SLC38A11: variants seen among roughly 807,000 people sequenced by gnomAD.
SLC38A11 encodes solute carrier family 38 member 11, also known as putative sodium-coupled neutral amino acid transporter 11.
SLC38A11 carries 51 observed loss-of-function variants against 49.4 expected under a neutral mutation model. The observed-to-expected ratio is 1.03, with a 90% CI of 0.83 to 1.30. The LOEUF is 1.30. Among genes scored for constraint, SLC38A11 ranks in the 50% most tolerant of loss-of-function variants. SLC38A11 has a pLI of 0.00. For synonymous variants in SLC38A11, 203 were observed against 192.9 expected (o/e 1.05, Z -0.43); for missense variants, 574 against 556.2 (o/e 1.03, Z -0.32).
At position 164,911,762 on chromosome 2, in the gene SLC38A11, T is replaced by C. The variant is rs758473638; in HGVS notation, c.851-14A>G. The C allele has an allele frequency of 7.0e-7, 1 of 1,432,636 alleles. No homozygotes were observed. Among genetic ancestry groups the C allele is most frequent in the Admixed American group, 2.0e-5 (1 of 50,336 alleles). 88.7% of individuals were successfully genotyped at this position (1,432,636 alleles called of 1,614,324 possible). On this transcript the variant is annotated splice_polypyrimidine_tract_variant and intron_variant, in intron 9 of 11. Transcript: ENST00000685975. ...CAAATAAGTCCCCTAGATAGTAATA[T>C]AAAATAAGTTTATTTACTAGATACT...
Position 164,898,391 on chromosome 2 carries a change from G to T in SLC38A11, c.*46C>A. ...AGACTAAAGCAAGCGTAAATGTTAT[G>T]TGTTTTAAAGTCTATGAAAACATAC... On this transcript the variant is annotated 3_prime_UTR_variant, in exon 12 of 12. Transcript: ENST00000685975. 7.6e-7 allele frequency: 1 copy of T among 1,310,764 alleles called. No individual in the cohort carries two copies. Among genetic ancestry groups the T allele is most frequent in the Non-Finnish European group, 1.1e-6 (1 of 927,744 alleles). 81.2% of individuals were successfully genotyped at this position (1,310,764 alleles called of 1,614,324 possible).
At chr2:164,954,578 G>T (rs762403675) in intron 2 of SLC38A11, 53 bp downstream of exon 2, 7 of 760,228 alleles carry the variant, frequency 9.2e-6, no homozygotes, top group Non-Finnish European at 1.2e-5. Context: ...AGCGTAGCGA[G>T]TCTTAAATTT....
intron 5 of SLC38A11, among the ~76,000 whole-genome samples, chr2:164,943,602 A>T (rs1305080573): frequency 6.6e-6 from 1 of 152,140 alleles, no homozygotes; most frequent in African/African-American, 2.4e-5. Flanking sequence ...GGAGATTAGG[A>T]TTTGACTACA....
chr2:164,900,439 T>A (rs1025218463), intron 11 of SLC38A11, among the ~76,000 whole-genome samples: 4 of 152,146 alleles, frequency 2.6e-5, no homozygotes, highest in African/African-American at 7.2e-5. Context: ...GGTTCCCTTT[T>A]CTCCACACTT....
chr2:164,952,775 G>A lies in SLC38A11; in HGVS notation c.161C>T (p.Pro54Leu), dbSNP rs995861299. The A allele has an allele frequency of 1.3e-6, 2 of 1,596,182 alleles. No individual in the cohort carries two copies. The highest frequency in any genetic ancestry group is 2.2e-5 in the East Asian group (1 of 44,752). Residue 54 changes from proline to leucine, a missense_variant, in exon 3 of 12, where the codon CCT becomes CTT. Transcript: ENST00000685975. ...AAACCCAGCTTGCTTCATTGAATAA[G>A]GCAATCCTGAAAAAACATAAAATGC... is the stretch of plus-strand genomic sequence containing the variant. ...SIIGSGIIGL[P>L]YSMKQAGFPL...
At chr2:164,942,690 G>C (rs1418715954) in intron 5 of SLC38A11, among the ~76,000 whole-genome samples, 1 of 152,004 alleles carries the variant, frequency 6.6e-6, no homozygotes, top group African/African-American at 2.4e-5. Flanking sequence ...CTACCCACTC[G>C]TGTGGCCTCA....
chr2:164,948,426 G>A (rs1236008401), intron 3 of SLC38A11, among the ~76,000 whole-genome samples: 1 of 152,130 alleles, frequency 6.6e-6, no homozygotes, highest in Non-Finnish European at 1.5e-5. Context: ...GGTAGGTGCT[G>A]GTTATCATGC....
At chr2:164,945,130 T>C (rs1156514655) in intron 4 of SLC38A11, among the ~76,000 whole-genome samples, 1 of 152,156 alleles carries the variant, frequency 6.6e-6, no homozygotes, top group Non-Finnish European at 1.5e-5. Flanking sequence ...AAAAATGAAG[T>C]CAATTTGGCC....
At chr2:164,934,091 A>G (rs2105491329) in intron 7 of SLC38A11, among the ~76,000 whole-genome samples, 1 of 152,184 alleles carries the variant, frequency 6.6e-6, no homozygotes, top group East Asian at 1.9e-4. Flanking sequence ...CCCCACCAGG[A>G]AGTGGACTGC....
intron 7 of SLC38A11, among the ~76,000 whole-genome samples, chr2:164,933,382 G>T (rs1687144042): frequency 6.6e-6 from 1 of 151,858 alleles, no homozygotes; most frequent in African/African-American, 2.4e-5. Context: ...AAAGCAAAAG[G>T]TTAGAAAATA....
At chr2:164,907,113 C>T (rs773931749) in intron 11 of SLC38A11, among the ~76,000 whole-genome samples, 11 of 152,030 alleles carry the variant, frequency 7.2e-5, no homozygotes, top group Non-Finnish European at 1.2e-4. Context: ...CCATTCCTGT[C>T]TTAGCAAATG....
At chr2:164,911,545 A>C in intron 10 of SLC38A11, 91 bp downstream of exon 10, 2 of 543,304 alleles carry the variant, frequency 3.7e-6, no homozygotes, top group African/African-American at 2.0e-5. Context: ...GCCCTTGGGA[A>C]TTTGCCAAAC....
At chr2:164,936,143 A>G (rs1378602276) in intron 7 of SLC38A11, among the ~76,000 whole-genome samples, 1 of 152,194 alleles carries the variant, frequency 6.6e-6, no homozygotes, top group African/African-American at 2.4e-5. Flanking sequence ...TGAAGAAAAA[A>G]ATAATATAAA....
intron 10 of SLC38A11, 136 bp from the exon 11 acceptor site, chr2:164,908,907 G>A: frequency 1.0e-6 from 1 of 989,174 alleles, no homozygotes; most frequent in East Asian, 2.9e-5. Flanking sequence ...AAGTCACTAG[G>A]AATGTTCTAT....
intron 7 of SLC38A11, among the ~76,000 whole-genome samples, chr2:164,926,779 C>A (rs897336490): frequency 6.7e-5 from 10 of 148,424 alleles, no homozygotes; most frequent in African/African-American, 2.5e-4. Context: ...AATCAAACAC[C>A]GCATGTTCTC....
At chr2:164,942,385 A>G (rs1285742497) in intron 5 of SLC38A11, among the ~76,000 whole-genome samples, 1 of 146,002 alleles carries the variant, frequency 6.8e-6, no homozygotes, top group African/African-American at 2.5e-5. Flanking sequence ...CAGTGAGCCA[A>G]TTATGCCACT....
At chr2:164,913,293 C>G (rs1467491832) in intron 9 of SLC38A11, among the ~76,000 whole-genome samples, 2 of 151,834 alleles carry the variant, frequency 1.3e-5, no homozygotes, top group Non-Finnish European at 2.9e-5. Context: ...TTCCAGCACT[C>G]TAAGAAAAAA....
At chr2:164,926,314 T>C (rs1434880395) in intron 7 of SLC38A11, among the ~76,000 whole-genome samples, 2 of 152,164 alleles carry the variant, frequency 1.3e-5, no homozygotes, top group East Asian at 3.9e-4. Context: ...TCTGCCAAAC[T>C]CTCTAGGCTC....
chr2:164,923,466 T>C lies in SLC38A11; in HGVS notation c.618-7493A>G, dbSNP rs915227017. Among the ~76,000 whole-genome samples, 16 of 151,966 alleles carry C rather than the reference T, an allele frequency of 1.1e-4. 1 individual carries two copies. Among genetic ancestry groups the C allele is most frequent in the African/African-American group, 3.6e-4 (15 of 41,376 alleles). Reference sequence around the variant, plus strand: ...GACAAACAAATAGCCAATGAACATATGAAGAAATGCTCAACATTACTAATT... The same window carrying C: ...GACAAACAAATAGCCAATGAACATACGAAGAAATGCTCAACATTACTAATT... On this transcript the variant is annotated intron_variant, in intron 7 of 11. Coordinates refer to ENST00000685975, the MANE Select transcript of SLC38A11 (RefSeq NM_001351537.2).
Sources: allele counts gnomAD v4.1 joint callset (sites outside exome capture counted in the v4.1 genomes callset), GRCh38; gene constraint gnomAD v4.1.1; transcripts MANE v1.5; gene names NCBI Gene and HGNC (gene_info 2026-07-23, HGNC 2026-07-21).